SLC6A11: variants seen among roughly 807,000 people sequenced by gnomAD.
SLC6A11 encodes the protein solute carrier family 6 member 11.
Under a neutral mutation model 74.8 loss-of-function variants are expected in SLC6A11, and 25 were observed. That is an observed-to-expected ratio of 0.33 (90% CI 0.24 to 0.47). The LOEUF is 0.47. SLC6A11 is among the 20% of genes least tolerant of loss of function. SLC6A11 has a pLI of 1.00. For missense variants in SLC6A11, 574 were observed against 837.0 expected (o/e 0.69, Z 3.88); for synonymous variants, 330 against 330.2 (o/e 1.00, Z 0.01).
At chr3:10,824,993 G>A (rs1166932110) in intron 4 of SLC6A11, 1 of 152,162 alleles carries the variant, frequency 6.6e-6, no homozygotes, top group Non-Finnish European at 1.5e-5. Flanking sequence ...AGACCAGCCT[G>A]GCCAACATGG....
chr3:10,816,636 G>A lies in SLC6A11; in HGVS notation c.256+115G>A. 1.8e-6 allele frequency: 2 copies of A among 1,130,436 alleles called. No homozygotes were observed. Among genetic ancestry groups the A allele is most frequent in the Non-Finnish European group, 2.4e-6 (2 of 831,742 alleles). 70.0% of individuals were successfully genotyped at this position (1,130,436 alleles called of 1,614,324 possible). ...CTGCGTGGAGCGGAACCCGAGCGGAGAACCTCGACTCCAGGCACCTCGCGT... is the reference window on the plus strand; with the variant it reads ...CTGCGTGGAGCGGAACCCGAGCGGAAAACCTCGACTCCAGGCACCTCGCGT... On this transcript the variant is annotated intron_variant, in intron 1 of 13. Coordinates refer to ENST00000254488, the MANE Select transcript of SLC6A11 (RefSeq NM_014229.3). This position sits in a 1 kb window ranked among gnomAD's most constrained non-coding sequence, Gnocchi z 4.2.
At chr3:10,927,236 G>A (rs891090832) in intron 9 of SLC6A11, among the ~76,000 whole-genome samples, 4 of 152,194 alleles carry the variant, frequency 2.6e-5, no homozygotes, top group Non-Finnish European at 5.9e-5. Flanking sequence ...GGTCTCGGAG[G>A]GATTGGCAGC....
chr3:10,838,808 A>G (rs1482459229), intron 4 of SLC6A11, among the ~76,000 whole-genome samples: 2 of 152,150 alleles, frequency 1.3e-5, no homozygotes, highest in Non-Finnish European at 2.9e-5. Context: ...TTCCTCATCC[A>G]TGAAATGGGT....
intron 6 of SLC6A11, among the ~76,000 whole-genome samples, chr3:10,894,963 A>AGT (rs1695153039): frequency 6.6e-6 from 1 of 152,226 alleles, no homozygotes; most frequent in African/African-American, 2.4e-5. Flanking sequence ...TTTTTTAAAA[A>AGT]GTGAGGGCTT....
chr3:10,913,828 G>T (rs892982673), intron 7 of SLC6A11, among the ~76,000 whole-genome samples: 9 of 152,138 alleles, frequency 5.9e-5, no homozygotes, highest in Non-Finnish European at 1.2e-4. Context: ...CGAGTTGCTG[G>T]GACTACAGGC....
intron 6 of SLC6A11, among the ~76,000 whole-genome samples, chr3:10,892,560 ACT>A (rs971662501): frequency 6.9e-6 from 1 of 145,020 alleles, no homozygotes; most frequent in African/African-American, 2.6e-5. Flanking sequence ...TAGTAAAATC[ACT>A]GTCTTCCTTT....
Position 10,852,903 on chromosome 3 carries a change from G to A in SLC6A11, c.756+8557G>A, listed in dbSNP as rs115725551. On this transcript the variant is annotated intron_variant, in intron 5 of 13. Coordinates refer to ENST00000254488, the MANE Select transcript of SLC6A11 (RefSeq NM_014229.3). ...AAAGAATGATTAGCTCTCAGGAACT[G>A]GGGAAATAAGATAAGATGAGGCACA... is the stretch of plus-strand genomic sequence containing the variant. Among the ~76,000 whole-genome samples, 1,107 of 152,326 alleles carry A rather than the reference G, an allele frequency of 7.3e-3. 3 individuals carry two copies. Among genetic ancestry groups the A allele is most frequent in the Non-Finnish European group, 0.012 (827 of 68,022 alleles).
chr3:10,933,803 C>T (rs186052589), intron 11 of SLC6A11, among the ~76,000 whole-genome samples: 50 of 152,326 alleles, frequency 3.3e-4, no homozygotes, highest in African/African-American at 1.0e-3. Flanking sequence ...GATCACCTTC[C>T]GCCTTTCTCC....
At chr3:10,849,571 A>G (rs542365781) in intron 5 of SLC6A11, among the ~76,000 whole-genome samples, 1 of 152,318 alleles carries the variant, frequency 6.6e-6, no homozygotes, top group East Asian at 1.9e-4. Context: ...TTGAACCTTC[A>G]TTAGCTCCCT....
chr3:10,908,361 AG>A (rs1216170828), intron 6 of SLC6A11, among the ~76,000 whole-genome samples: 2 of 152,190 alleles, frequency 1.3e-5, no homozygotes, highest in Non-Finnish European at 2.9e-5. Context: ...CTCACAGCAG[AG>A]AACCAACAGA....
intron 4 of SLC6A11, among the ~76,000 whole-genome samples, chr3:10,832,574 T>G (rs1200458128): frequency 2.6e-5 from 4 of 152,196 alleles, no homozygotes; most frequent in African/African-American, 9.7e-5. Context: ...ATGGGATATG[T>G]TTGTATGTCA....
intron 6 of SLC6A11, among the ~76,000 whole-genome samples, chr3:10,911,356 G>A (rs979956584): frequency 4.6e-5 from 7 of 152,182 alleles, no homozygotes; most frequent in Admixed American, 3.3e-4. Context: ...GAAAGTGTTC[G>A]AGAAGCCACT....
At chr3:10,873,630 C>CTGTCT (rs1402489175) in intron 5 of SLC6A11, among the ~76,000 whole-genome samples, 1 of 149,284 alleles carries the variant, frequency 6.7e-6, no homozygotes, top group Non-Finnish European at 1.5e-5. Context: ...CTATCCTATC[C>CTGTCT]TGTCCTGTCC....
At chr3:10,917,168 G>A (rs973114508) in intron 7 of SLC6A11, among the ~76,000 whole-genome samples, 1 of 152,166 alleles carries the variant, frequency 6.6e-6, no homozygotes, top group African/African-American at 2.4e-5. Flanking sequence ...GGGCTATAGG[G>A]CCATTATCTT....
At position 10,930,455 on chromosome 3, in the gene SLC6A11, G is replaced by A. The variant is rs565784113; in HGVS notation, c.1371+1116G>A. Among the ~76,000 whole-genome samples the A allele has an allele frequency of 2.3e-4, 35 of 152,122 alleles. 1 individual carries two copies. Among genetic ancestry groups the A allele is most frequent in the African/African-American group, 8.0e-4 (33 of 41,414 alleles). On this transcript the variant is annotated intron_variant, in intron 10 of 13. Transcript: ENST00000254488. ...GCACAGTGGCTGGCATCATTACCTC[G>A]CCCAGTCATTGTCACATTAATGAGA...
At position 10,876,817 on chromosome 3, in the gene SLC6A11, G is replaced by A. The variant is rs1412791960; in HGVS notation, c.891+1722G>A. Among the ~76,000 whole-genome samples, 14 of 134,670 alleles carry A rather than the reference G, an allele frequency of 1.0e-4. No homozygotes were observed. The Admixed American group carries it at 1.3e-3, about 13-fold the overall frequency. 88.3% of individuals were successfully genotyped at this position (134,670 alleles called of 152,430 possible). On this transcript the variant is annotated intron_variant, in intron 6 of 13. Coordinates refer to ENST00000254488, the MANE Select transcript of SLC6A11 (RefSeq NM_014229.3). ...AAAAACAAACGAGAACTAACACAGA[G>A]GTGAGGCAGGCCAGGCCATTTTCTA...
intron 3 of SLC6A11, among the ~76,000 whole-genome samples, chr3:10,821,029 C>A (rs1225460809): frequency 6.6e-6 from 1 of 152,142 alleles, no homozygotes; most frequent in Non-Finnish European, 1.5e-5. Flanking sequence ...CTGACTCTGC[C>A]CTACTCCCCT....
At chr3:10,820,932 C>A (rs1037206157) in intron 3 of SLC6A11, among the ~76,000 whole-genome samples, 1 of 152,112 alleles carries the variant, frequency 6.6e-6, no homozygotes, top group South Asian at 2.1e-4. Flanking sequence ...CCAGTAAGAT[C>A]GGGTAGGATG....
At chr3:10,923,102 G>A (rs1378925567) in intron 8 of SLC6A11, among the ~76,000 whole-genome samples, 1 of 152,034 alleles carries the variant, frequency 6.6e-6, no homozygotes, top group East Asian at 1.9e-4. Flanking sequence ...TGTACAGATA[G>A]ATATAGAAAT....
Sources: allele counts gnomAD v4.1 joint callset (sites outside exome capture counted in the v4.1 genomes callset), GRCh38; gene constraint gnomAD v4.1.1; non-coding constraint Gnocchi (gnomAD v3.1); transcripts MANE v1.5; gene names NCBI Gene and HGNC (gene_info 2026-07-23, HGNC 2026-07-21).